The following FLACC1 variants were observed in gnomAD, a reference collection of about 807,000 sequenced individuals.
The protein encoded by FLACC1 is flagellum associated containing coiled-coil domains 1, also known as flagellum-associated coiled-coil domain-containing protein 1.
In FLACC1, 66 loss-of-function variants were observed where a neutral mutation model predicts 62.8. The observed-to-expected ratio is 1.05, with a 90% confidence interval of 0.86 to 1.29. The LOEUF is 1.29. FLACC1 is among the 50% of genes most tolerant of loss of function. The pLI, the probability that FLACC1 is intolerant of heterozygous loss-of-function variation, is 0.00. For synonymous variants in FLACC1, 156 were observed against 161.0 expected, an observed-to-expected ratio of 0.97 and a Z score of 0.24; for missense variants, 452 against 489.1, an observed-to-expected ratio of 0.92 and a Z score of 0.71.
chr2:201,309,683 C>G (rs1392345078), intron 9 of FLACC1, among the ~76,000 whole-genome samples: 2 of 151,752 alleles, frequency 1.3e-5, no homozygotes, highest in Admixed American at 1.3e-4. Context: ...TGGAGGCAGG[C>G]AGATCACAAG....
intron 9 of FLACC1, among the ~76,000 whole-genome samples, chr2:201,310,733 G>A (rs1559395683): frequency 6.6e-6 from 1 of 152,056 alleles, no homozygotes; most frequent in African/African-American, 2.4e-5. Flanking sequence ...CCTTAAAAAT[G>A]TTCATTCCAA....
At chr2:201,324,828 T>C (rs979436542) in intron 9 of FLACC1, among the ~76,000 whole-genome samples, 1 of 152,148 alleles carries the variant, frequency 6.6e-6, no homozygotes, top group Non-Finnish European at 1.5e-5. Flanking sequence ...TGACACAAGT[T>C]ATCAAAACCT....
intron 7 of FLACC1, 128 bp from the exon 8 acceptor site, chr2:201,330,961 A>AT: frequency 1.6e-6 from 1 of 607,310 alleles, no homozygotes; most frequent in Non-Finnish European, 2.6e-6. Flanking sequence ...TATTTTTAAA[A>AT]TTTTTAAATC....
At chr2:201,291,816 C>T (rs930669218) in intron 12 of FLACC1, among the ~76,000 whole-genome samples, 1 of 152,128 alleles carries the variant, frequency 6.6e-6, no homozygotes, top group Non-Finnish European at 1.5e-5. Flanking sequence ...ATAACCAATG[C>T]AGAGAAGTCC....
intron 11 of FLACC1, 82 bp downstream of exon 11, chr2:201,307,437 T>G (rs1291712324): frequency 2.0e-6 from 2 of 1,004,314 alleles, no homozygotes; most frequent in Non-Finnish European, 3.1e-6. Context: ...AAAGATCACC[T>G]AATTATGGAG....
intron 9 of FLACC1, 58 bp from the exon 10 acceptor site, chr2:201,309,308 G>C (rs1401370008): frequency 1.5e-5 from 21 of 1,360,430 alleles, no homozygotes; most frequent in Admixed American, 1.4e-4. Flanking sequence ...GTGACCTGGA[G>C]AGGCTGTAAA....
At chr2:201,345,450 TTGTGTGTGTGTG>T (rs56229607) in intron 5 of FLACC1, among the ~76,000 whole-genome samples, 11 of 144,086 alleles carry the variant, frequency 7.6e-5, no homozygotes, top group East Asian at 2.0e-4. Context: ...AGGTAGATGA[TTGTGTGTGTGTG>T]TGTGTGTGTG....
At chr2:201,324,662 T>C (rs976929885) in intron 9 of FLACC1, among the ~76,000 whole-genome samples, 7 of 152,196 alleles carry the variant, frequency 4.6e-5, no homozygotes, top group African/African-American at 9.7e-5. Context: ...AAGTATCTTC[T>C]CAGGCCATAG....
chr2:201,295,322 C>G (rs568957927), intron 12 of FLACC1, among the ~76,000 whole-genome samples: 15 of 152,046 alleles, frequency 9.9e-5, no homozygotes, highest in African/African-American at 3.6e-4. Context: ...AGATATAGAC[C>G]AATGGAACAG....
intron 9 of FLACC1, 49 bp downstream of exon 9, chr2:201,330,421 G>A (rs778782374): frequency 6.5e-7 from 1 of 1,537,748 alleles, no homozygotes; most frequent in East Asian, 2.3e-5. Flanking sequence ...TGTTAGCCAG[G>A]AATGAGCCTT....
At chr2:201,351,496 A>G (rs1455857927) in intron 1 of FLACC1, 45 bp from the exon 2 acceptor site, 15 of 952,122 alleles carry the variant, frequency 1.6e-5, no homozygotes, top group Non-Finnish European at 2.4e-5. Context: ...ATTTAGAATC[A>G]AAGCAAAAAT....
chr2:201,342,527 C>T (rs774779197), intron 6 of FLACC1, 96 bp from the exon 7 acceptor site: 21 of 1,248,106 alleles, frequency 1.7e-5, no homozygotes, highest in East Asian at 7.0e-5. Flanking sequence ...TGGGGCACAG[C>T]CGCCTTCCAA....
At chr2:201,354,476 A>G (rs563431387) in intron 1 of FLACC1, among the ~76,000 whole-genome samples, 1 of 152,148 alleles carries the variant, frequency 6.6e-6, no homozygotes, top group Non-Finnish European at 1.5e-5. Flanking sequence ...AGTCCAGGAG[A>G]CTGGCTAAAC....
chr2:201,345,198 G>T (rs1361303583), intron 5 of FLACC1, among the ~76,000 whole-genome samples: 2 of 152,168 alleles, frequency 1.3e-5, no homozygotes, highest in Admixed American at 6.5e-5. Flanking sequence ...TCCTGCAGAG[G>T]GCTGTGGATA....
chr2:201,330,386 G>T, intron 9 of FLACC1, 84 bp downstream of exon 9: 1 of 1,339,256 alleles, frequency 7.5e-7, no homozygotes, highest in Non-Finnish European at 1.0e-6. Flanking sequence ...TTATTTTCTG[G>T]ACAAAAGCTC....
intron 14 of FLACC1, 152 bp downstream of exon 14, chr2:201,289,305 C>T: frequency 1.5e-6 from 1 of 649,012 alleles, no homozygotes; most frequent in Non-Finnish European, 2.7e-6. Flanking sequence ...CTTTGTGTCA[C>T]TGGCCTAGAG....
At chr2:201,296,095 T>G (rs999847128) in intron 12 of FLACC1, among the ~76,000 whole-genome samples, 1 of 152,268 alleles carries the variant, frequency 6.6e-6, no homozygotes, top group Admixed American at 6.5e-5. Flanking sequence ...ATTGTGGAAG[T>G]CAGTGTGGCG....
intron 8 of FLACC1, 58 bp from the exon 9 acceptor site, chr2:201,330,580 A>G (rs1254523205): frequency 6.3e-7 from 1 of 1,579,998 alleles, no homozygotes; most frequent in East Asian, 2.2e-5. Flanking sequence ...ACATTTTCAA[A>G]TTCAAATGTG....
intron 9 of FLACC1, among the ~76,000 whole-genome samples, chr2:201,327,366 A>G (rs1352251316): frequency 1.3e-5 from 2 of 151,886 alleles, no homozygotes; most frequent in Non-Finnish European, 2.9e-5. Flanking sequence ...AAGAAATAAT[A>G]AACAGACAAC....
Sources: allele counts gnomAD v4.1 joint callset (sites outside exome capture counted in the v4.1 genomes callset), GRCh38; gene constraint gnomAD v4.1.1; transcripts MANE v1.5; gene names NCBI Gene and HGNC (gene_info 2026-07-23, HGNC 2026-07-21).